The following SKAP2 variants were observed in gnomAD, a reference collection of about 807,000 sequenced individuals.
The protein encoded by SKAP2 is src kinase-associated phosphoprotein 2.
Under a neutral mutation model 54.9 loss-of-function variants are expected in SKAP2, and 28 were observed. That is an observed-to-expected ratio of 0.51 (90% CI 0.38 to 0.70). The LOEUF (loss-of-function observed/expected upper bound fraction) is 0.70, where lower values mean the gene tolerates loss of function less well. SKAP2 is among the 30% of genes least tolerant of loss of function. The pLI is 0.00. For synonymous variants in SKAP2, 137 were observed against 134.3 expected, an observed-to-expected ratio of 1.02 and a Z score of -0.14; for missense variants, 356 against 424.1, an observed-to-expected ratio of 0.84 and a Z score of 1.41.
At chr7:26,743,035 GA>G (rs1429433917) in intron 4 of SKAP2, among the ~76,000 whole-genome samples, 1 of 152,092 alleles carries the variant, frequency 6.6e-6, no homozygotes, top group East Asian at 1.9e-4. Flanking sequence ...TGAAGAAAAG[GA>G]AATTAAGGCT....
At position 26,703,301 on chromosome 7, in the gene SKAP2, T is replaced by C. The variant is rs531997495; in HGVS notation, c.797-12939A>G. Among the ~76,000 whole-genome samples the C allele has an allele frequency of 2.0e-5, 3 of 152,318 alleles. No individual in the cohort carries two copies. The South Asian group carries it at 6.2e-4, about 32-fold the overall frequency. The stretch of plus-strand genomic sequence containing the variant: ...CACCACAAATAAGCAAAAAACTCCC[T>C]GCATTCAAAGGATTGGACATGGTTG... On this transcript the variant is annotated intron_variant, in intron 9 of 12. Coordinates refer to ENST00000345317, the MANE Select transcript of SKAP2 (RefSeq NM_003930.5).
intron 4 of SKAP2, among the ~76,000 whole-genome samples, chr7:26,789,463 A>C (rs1169202704): frequency 2.6e-5 from 4 of 152,226 alleles, no homozygotes; most frequent in African/African-American, 4.8e-5. Flanking sequence ...TGCATTAAGC[A>C]TCACTCACAC....
intron 4 of SKAP2, among the ~76,000 whole-genome samples, chr7:26,789,770 G>A (rs1783635615): frequency 6.6e-6 from 1 of 152,096 alleles, no homozygotes; most frequent in Non-Finnish European, 1.5e-5. Flanking sequence ...GAATAATTTT[G>A]TACAGTCAAA....
At chr7:26,767,444 T>A (rs1783085147) in intron 4 of SKAP2, among the ~76,000 whole-genome samples, 1 of 152,136 alleles carries the variant, frequency 6.6e-6, no homozygotes, top group African/African-American at 2.4e-5. Context: ...TTTTGAAGGG[T>A]TTTTTGTGTC....
intron 4 of SKAP2, among the ~76,000 whole-genome samples, chr7:26,752,824 C>A (rs1782714283): frequency 6.6e-6 from 1 of 152,178 alleles, no homozygotes; most frequent in Admixed American, 6.5e-5. Context: ...CTATAAAGCT[C>A]TAACTCAGTG....
rs1474913113 is a variant in SKAP2, at chr7:26,756,308, C to T, written c.308-16344G>A. On this transcript the variant is annotated intron_variant, in intron 4 of 12. Transcript: ENST00000345317. ...TCATCATTTACATTAGGTATATCTC[C>T]TAATGCTATCCCTCCCACCTCCTCC... Among the ~76,000 whole-genome samples the T allele has an allele frequency of 2.0e-5, 3 of 152,146 alleles. No homozygotes were observed. In the South Asian group the frequency reaches 6.2e-4, roughly 32 times the overall value.
At chr7:26,831,574 T>C (rs1784596317) in intron 4 of SKAP2, among the ~76,000 whole-genome samples, 1 of 152,196 alleles carries the variant, frequency 6.6e-6, no homozygotes, top group Non-Finnish European at 1.5e-5. Context: ...TCACATTTAA[T>C]ATGTCTTTAC....
At chr7:26,832,445 C>T (rs1200009055) in intron 4 of SKAP2, among the ~76,000 whole-genome samples, 1 of 152,206 alleles carries the variant, frequency 6.6e-6, no homozygotes, top group Non-Finnish European at 1.5e-5. Flanking sequence ...ACAGCAGCCT[C>T]TTGGTGTCAT....
intron 4 of SKAP2, among the ~76,000 whole-genome samples, chr7:26,788,904 G>A (rs371027607): frequency 2.6e-5 from 4 of 151,998 alleles, no homozygotes; most frequent in East Asian, 3.9e-4. Context: ...TAGTCTCTTC[G>A]GAATAATTAT....
intron 9 of SKAP2, among the ~76,000 whole-genome samples, chr7:26,716,590 C>T (rs993674889): frequency 6.6e-5 from 10 of 152,166 alleles, no homozygotes; most frequent in African/African-American, 2.2e-4. Context: ...ATTTATCATT[C>T]TTACTTTTAT....
chr7:26,800,624 G>A (rs1346606832), intron 4 of SKAP2, among the ~76,000 whole-genome samples: 2 of 152,024 alleles, frequency 1.3e-5, no homozygotes, highest in Non-Finnish European at 2.9e-5. Flanking sequence ...AAGAAAAAGA[G>A]AAGATCCAAA....
the SKAP2 span, among the ~76,000 whole-genome samples, chr7:26,659,530 AT>A: frequency 2.6e-5 from 4 of 152,204 alleles, no homozygotes; most frequent in Admixed American, 2.6e-4. Flanking sequence ...AGTAATGTAA[AT>A]TTATTGACAA....
intron 6 of SKAP2, among the ~76,000 whole-genome samples, chr7:26,737,553 A>C (rs1449003704): frequency 6.6e-6 from 1 of 152,224 alleles, no homozygotes; most frequent in Non-Finnish European, 1.5e-5. Context: ...AAAAACTCTA[A>C]AAACTATAAA....
At chr7:26,719,287 T>C (rs1425140252) in intron 9 of SKAP2, among the ~76,000 whole-genome samples, 2 of 152,208 alleles carry the variant, frequency 1.3e-5, no homozygotes, top group Admixed American at 6.5e-5. Flanking sequence ...AGTGAGCTCC[T>C]CTTCACGGAT....
downstream of SKAP2, among the ~76,000 whole-genome samples, chr7:26,665,953 T>C (rs995433279): frequency 6.6e-6 from 1 of 151,948 alleles, no homozygotes; most frequent in Non-Finnish European, 1.5e-5. Flanking sequence ...AATAAGATCA[T>C]ATTCATCAAA....
At chr7:26,816,260 T>C (rs1784263938) in intron 4 of SKAP2, among the ~76,000 whole-genome samples, 1 of 152,140 alleles carries the variant, frequency 6.6e-6, no homozygotes, top group Non-Finnish European at 1.5e-5. Context: ...TTTATGCAAT[T>C]ATGAAAAAAT....
chr7:26,768,318 A>G lies in SKAP2; in HGVS notation c.308-28354T>C, dbSNP rs190342854. On this transcript the variant is annotated intron_variant, in intron 4 of 12. Transcript: ENST00000345317. ...TTTGCTTTCCATTTGCTTGATAAAT[A>G]TTCCTCCATCCCTTTATTTTGACTC... Among the ~76,000 whole-genome samples, 1,075 of 148,408 alleles carry G rather than the reference A, an allele frequency of 7.2e-3. 6 individuals are homozygous for G. Among genetic ancestry groups the G allele is most frequent in the Non-Finnish European group, 0.011 (720 of 67,408 alleles).
chr7:26,836,103 T>A (rs902320656), intron 4 of SKAP2, among the ~76,000 whole-genome samples: 4 of 152,248 alleles, frequency 2.6e-5, no homozygotes, highest in Admixed American at 6.5e-5. Flanking sequence ...AATGATTCCC[T>A]ATTTAATAAA....
intron 4 of SKAP2, among the ~76,000 whole-genome samples, chr7:26,769,566 T>A (rs1028179613): frequency 1.3e-5 from 2 of 151,604 alleles, no homozygotes; most frequent in Non-Finnish European, 2.9e-5. Context: ...AGCCTTTTTG[T>A]GCTGGTTTTT....
Sources: allele counts gnomAD v4.1 joint callset (sites outside exome capture counted in the v4.1 genomes callset), GRCh38; gene constraint gnomAD v4.1.1; transcripts MANE v1.5; gene names NCBI Gene and HGNC (gene_info 2026-07-23, HGNC 2026-07-21).